ME1: variants seen among roughly 807,000 people sequenced by gnomAD.
The protein encoded by ME1 is malic enzyme 1.
Under a neutral mutation model 66.4 loss-of-function variants are expected in ME1, and 74 were observed. The ratio of observed to expected loss-of-function variants is 1.11; its 90% confidence interval spans 0.92 to 1.35. ME1 has a LOEUF of 1.35. Ranked by LOEUF, ME1 falls within the 40% of genes most tolerant of loss-of-function variation. ME1 has a pLI of 0.00. For synonymous variants in ME1, 251 were observed against 235.6 expected (o/e 1.07, Z -0.60); for missense variants, 750 against 694.1 (o/e 1.08, Z -0.90).
intron 6 of ME1, among the ~76,000 whole-genome samples, chr6:83,302,310 G>A (rs1465664775): frequency 6.6e-6 from 1 of 152,056 alleles, no homozygotes; most frequent in Non-Finnish European, 1.5e-5. Flanking sequence ...TAGAGTAGGA[G>A]GTTGGGAGGA....
chr6:83,342,086 C>T (rs1021719646), intron 5 of ME1, among the ~76,000 whole-genome samples: 1 of 152,122 alleles, frequency 6.6e-6, no homozygotes, highest in African/African-American at 2.4e-5. Flanking sequence ...AACTTCACTT[C>T]AGCCTCTGAT....
rs532062453 is a variant in ME1, at chr6:83,283,047, T to G, written c.705-29309A>C. 1.3e-4 allele frequency among the ~76,000 whole-genome samples: 19 copies of G among 150,002 alleles called. No homozygotes were observed. The South Asian group carries it at 4.0e-3, about 32-fold the overall frequency. ...ATCGAGACCATCCTGGCTAACAAGG[T>G]GAAACCCCGTCTCTACTAAAAATAC... is the stretch of plus-strand genomic sequence containing the variant. On this transcript the variant is annotated intron_variant, in intron 6 of 13. Transcript: ENST00000369705.
intron 6 of ME1, among the ~76,000 whole-genome samples, chr6:83,255,721 G>C (rs933128550): frequency 6.6e-6 from 1 of 151,964 alleles, no homozygotes; most frequent in Non-Finnish European, 1.5e-5. Context: ...CTGATATATA[G>C]TAGGGTCTGT....
chr6:83,262,013 C>CAAAAAAAA (rs374491049), intron 6 of ME1, among the ~76,000 whole-genome samples: 25 of 76,912 alleles, frequency 3.3e-4, no homozygotes, highest in East Asian at 8.2e-4. Context: ...GAATCCATCT[C>CAAAAAAAA]AAAAAAAAAA....
chr6:83,294,775 CT>C (rs1767564050), intron 6 of ME1, among the ~76,000 whole-genome samples: 1 of 152,182 alleles, frequency 6.6e-6, no homozygotes, highest in African/African-American at 2.4e-5. Flanking sequence ...ACTCCCCCTG[CT>C]CCTCAATAGG....
chr6:83,254,071 G>A (rs1190151871), intron 6 of ME1, among the ~76,000 whole-genome samples: 2 of 152,068 alleles, frequency 1.3e-5, no homozygotes, highest in Non-Finnish European at 2.9e-5. Context: ...TAGGTGTTCC[G>A]AAGATAGATA....
At position 83,317,944 on chromosome 6, in the gene ME1, C is replaced by A. The variant is rs551375511; in HGVS notation, c.601-2531G>T. 2.0e-5 allele frequency among the ~76,000 whole-genome samples: 3 copies of A among 151,910 alleles called. No individual in the cohort carries two copies. In the South Asian group the frequency reaches 6.2e-4, roughly 32 times the overall value. ...AACCAAAACAGCATGGTACTGGTAC[C>A]AAAACAGAGATATAGATCAACGGAA... On this transcript the variant is annotated intron_variant, in intron 5 of 13. Transcript: ENST00000369705.
chr6:83,245,849 TA>T (rs201397548), intron 7 of ME1, among the ~76,000 whole-genome samples: 25 of 152,014 alleles, frequency 1.6e-4, no homozygotes, highest in East Asian at 1.4e-3. Context: ...TAAGATAGTC[TA>T]AATTTTTTTT....
At chr6:83,403,919 G>A (rs1181155031) in intron 2 of ME1, among the ~76,000 whole-genome samples, 1 of 152,138 alleles carries the variant, frequency 6.6e-6, no homozygotes, top group African/African-American at 2.4e-5. Flanking sequence ...GGGCATTTGG[G>A]TTGGTTCCAT....
chr6:83,288,462 G>A (rs931803501), intron 6 of ME1, among the ~76,000 whole-genome samples: 1 of 151,970 alleles, frequency 6.6e-6, no homozygotes, highest in Non-Finnish European at 1.5e-5. Flanking sequence ...ATCAGATGGT[G>A]GTAGATGTGT....
chr6:83,290,635 T>C (rs1160601717), intron 6 of ME1, among the ~76,000 whole-genome samples: 1 of 152,202 alleles, frequency 6.6e-6, no homozygotes, highest in Non-Finnish European at 1.5e-5. Context: ...TAGATGTCTA[T>C]TAGGTCCACT....
intron 1 of ME1, among the ~76,000 whole-genome samples, chr6:83,410,552 A>G (rs1421967956): frequency 6.6e-6 from 1 of 152,182 alleles, no homozygotes; most frequent in African/African-American, 2.4e-5. Flanking sequence ...ATATTTGAAA[A>G]AGAAAGAAGA....
intron 2 of ME1, among the ~76,000 whole-genome samples, chr6:83,400,865 C>T (rs778850788): frequency 1.3e-5 from 2 of 152,212 alleles, no homozygotes; most frequent in African/African-American, 4.8e-5. Flanking sequence ...CTTTCCCTAA[C>T]TCATTCTGCT....
chr6:83,281,878 A>C (rs1279275140), intron 6 of ME1, among the ~76,000 whole-genome samples: 7 of 150,166 alleles, frequency 4.7e-5, no homozygotes, highest in Admixed American at 1.3e-4. Context: ...AGAGAAAAAA[A>C]CAGAAAACCA....
intron 5 of ME1, among the ~76,000 whole-genome samples, chr6:83,317,994 G>A (rs1255581922): frequency 5.9e-5 from 9 of 151,954 alleles, no homozygotes; most frequent in Non-Finnish European, 8.8e-5. Context: ...CAGAAATAAC[G>A]CCACATATCT....
At chr6:83,243,506 AT>A in intron 7 of ME1, among the ~76,000 whole-genome samples, 2 of 127,970 alleles carry the variant, frequency 1.6e-5, no homozygotes, top group South Asian at 4.5e-4. Flanking sequence ...TATTGATATA[AT>A]CTATTATAAT....
rs773204666 is a variant in ME1, at chr6:83,333,663, T to C, written c.600+12510A>G. 5.9e-5 allele frequency among the ~76,000 whole-genome samples: 9 copies of C among 152,212 alleles called. 1 individual carries two copies. The highest frequency in any genetic ancestry group is 1.3e-4 in the Non-Finnish European group (9 of 68,038). ...TATGTTGGAGCATTTCTATCTATTTTAAGCAACAGAAAAGTTAATCCAGAA... is the reference window on the plus strand; with the variant it reads ...TATGTTGGAGCATTTCTATCTATTTCAAGCAACAGAAAAGTTAATCCAGAA... On this transcript the variant is annotated intron_variant, in intron 5 of 13. Coordinates refer to ENST00000369705, the MANE Select transcript of ME1 (RefSeq NM_002395.6).
chr6:83,284,126 A>C (rs1767355520), intron 6 of ME1, among the ~76,000 whole-genome samples: 1 of 152,332 alleles, frequency 6.6e-6, no homozygotes, highest in East Asian at 1.9e-4. Flanking sequence ...CATGAACTAG[A>C]AAATCTAGAG....
At chr6:83,217,818 G>A (rs1790022402) in intron 12 of ME1, among the ~76,000 whole-genome samples, 1 of 152,134 alleles carries the variant, frequency 6.6e-6, no homozygotes, top group African/African-American at 2.4e-5. Flanking sequence ...GGGAGCAGAG[G>A]GTCTGGGTAC....
Sources: allele counts gnomAD v4.1 joint callset (sites outside exome capture counted in the v4.1 genomes callset), GRCh38; gene constraint gnomAD v4.1.1; transcripts MANE v1.5; gene names NCBI Gene and HGNC (gene_info 2026-07-23, HGNC 2026-07-21).